RTCB: variants seen among roughly 807,000 people sequenced by gnomAD.
RTCB encodes RNA 2',3'-cyclic phosphate and 5'-OH ligase, also known as RNA-splicing ligase RTCB.
RTCB carries 32 observed loss-of-function variants against 58.2 expected under a neutral mutation model. That is an observed-to-expected ratio of 0.55 (90% CI 0.41 to 0.74). The LOEUF is 0.74. RTCB is among the 30% of genes least tolerant of loss of function. RTCB has a pLI of 0.00. For missense variants in RTCB, 523 were observed against 639.0 expected (o/e 0.82, Z 1.96); for synonymous variants, 247 against 218.6 (o/e 1.13, Z -1.15).
chr22:32,394,115 T>C, intron 9 of RTCB, 113 bp from the exon 10 acceptor site: 1 of 131,110 alleles, frequency 7.6e-6, no homozygotes, highest in East Asian at 1.5e-4. Context: ...CCCAGACTTC[T>C]TTTTTTTTTT....
chr22:32,394,236 C>T (rs957090289), intron 9 of RTCB, among the ~76,000 whole-genome samples: 1 of 151,920 alleles, frequency 6.6e-6, no homozygotes, highest in Non-Finnish European at 1.5e-5. Flanking sequence ...CTCAGCCTCC[C>T]GAGTTGCTGG....
intron 8 of RTCB, 96 bp from the exon 9 acceptor site, chr22:32,395,310 G>T (rs1933227527): frequency 2.9e-6 from 3 of 1,031,712 alleles, no homozygotes; most frequent in Admixed American, 5.1e-5. Context: ...AGTCTGTTCT[G>T]AAGGGAGTAA....
intron 9 of RTCB, 143 bp downstream of exon 9, chr22:32,394,883 A>C: frequency 1.4e-6 from 1 of 716,770 alleles, no homozygotes; most frequent in Non-Finnish European, 2.3e-6. Flanking sequence ...ACTGCTTCAG[A>C]GAAGATTGGG....
intron 1 of RTCB, 131 bp downstream of exon 1, chr22:32,411,933 A>C (rs918675026): frequency 4.6e-6 from 3 of 656,800 alleles, no homozygotes; most frequent in Non-Finnish European, 7.6e-6. Flanking sequence ...GGGGAGAAGG[A>C]CGGGATGAGG....
chr22:32,387,915 G>C lies in RTCB; in HGVS notation c.*77C>G. ...TTGCAACTTGTCCCGCCTTGAGTCT[G>C]ATGTCAGAAGAGCATGTCAGTCCAC... On this transcript the variant is annotated 3_prime_UTR_variant, in exon 12 of 12. Transcript: ENST00000216038. The C allele has an allele frequency of 1.0e-6, 1 of 964,314 alleles. No individual in the cohort carries two copies. The highest frequency in any genetic ancestry group is 1.7e-6 in the Non-Finnish European group (1 of 600,022). 59.7% of individuals were successfully genotyped at this position (964,314 alleles called of 1,614,324 possible).
At chr22:32,399,909 G>A in intron 5 of RTCB, 150 bp from the exon 6 acceptor site, 1 of 618,706 alleles carries the variant, frequency 1.6e-6, no homozygotes, top group Non-Finnish European at 2.6e-6. Flanking sequence ...TAAGCTCTCA[G>A]TAACTGGTTT....
At position 32,393,921 on chromosome 22, in the gene RTCB, C is replaced by G. The variant is rs1350204203; in HGVS notation, c.1261G>C (p.Glu421Gln). The G allele has an allele frequency of 1.2e-6, 2 of 1,613,930 alleles. No individual in the cohort carries two copies. Among genetic ancestry groups the G allele is most frequent in the South Asian group, 2.2e-5 (2 of 91,074 alleles). The part of the protein sequence containing the change: ...VLTGTEQGMT[E>Q]TFGTTCHGAG... ...CCATGACAGGTTGTTCCAAAGGTCT[C>G]AGTCATGCCCTGTTCAGTGCCAGTA... Residue 421 changes from glutamate to glutamine, a missense_variant, in exon 10 of 12, where the codon GAG (glutamate) becomes CAG (glutamine). Glu to Gln is a conservative substitution (Grantham distance 29). Coordinates refer to ENST00000216038, the MANE Select transcript of RTCB (RefSeq NM_014306.5).
chr22:32,394,844 C>A (rs142752331), intron 9 of RTCB, among the ~76,000 whole-genome samples, 182 bp downstream of exon 9: 1 of 152,130 alleles, frequency 6.6e-6, no homozygotes, highest in South Asian at 2.1e-4. Flanking sequence ...ACGGCACCAC[C>A]GCAAGCACAA....
intron 10 of RTCB, 162 bp from the exon 11 acceptor site, chr22:32,392,521 C>T: frequency 1.1e-6 from 1 of 940,866 alleles, no homozygotes; most frequent in Non-Finnish European, 1.7e-6. Context: ...AGATTTTGGA[C>T]CGGAGAATTC....
intron 3 of RTCB, chr22:32,407,423 T>C (rs1291994195): frequency 6.5e-6 from 1 of 152,726 alleles, no homozygotes; most frequent in Non-Finnish European, 1.5e-5. Flanking sequence ...AGAATATGAA[T>C]GTTAAACTGT....
Position 32,401,887 on chromosome 22 carries a change from G to A in RTCB, c.357C>T (p.Asp119=), listed in dbSNP as rs746763996. Residue 119 remains aspartate (D), a synonymous_variant, in exon 5 of 12, where the codon GAC becomes GAT. Coordinates refer to ENST00000216038, the MANE Select transcript of RTCB (RefSeq NM_014306.5). The part of the protein sequence containing the change: ...AVVSPGGVGF[D]INCGVRLLRT... ...TTAGCAAGCGGACACCACAGTTGATGTCAAACCCGACACCACCTACAAAAT... is the reference window on the plus strand; with the variant it reads ...TTAGCAAGCGGACACCACAGTTGATATCAAACCCGACACCACCTACAAAAT... 6.2e-7 allele frequency: 1 copy of A among 1,614,016 alleles called. No individual in the cohort carries two copies. Among genetic ancestry groups the A allele is most frequent in the Non-Finnish European group, 8.5e-7 (1 of 1,179,918 alleles).
chr22:32,411,518 G>C (rs546218094), intron 1 of RTCB, among the ~76,000 whole-genome samples: 15 of 152,324 alleles, frequency 9.8e-5, no homozygotes, highest in African/African-American at 3.4e-4. Flanking sequence ...CTTCTGTGAA[G>C]TGAATATTAA....
At chr22:32,412,025 G>A (rs115236369) in intron 1 of RTCB, 39 bp downstream of exon 1, 1 of 1,529,224 alleles carries the variant, frequency 6.5e-7, no homozygotes. Flanking sequence ...GGCCGGGGAC[G>A]GAGCACGGAA....
At chr22:32,396,349 A>G in intron 7 of RTCB, 100 bp from the exon 8 acceptor site, 1 of 1,246,394 alleles carries the variant, frequency 8.0e-7, no homozygotes, top group South Asian at 1.4e-5. Flanking sequence ...TTCATTCCAC[A>G]AAAAAACCCA....
rs774323748 is a variant in RTCB, at chr22:32,393,880, T to G, written c.1290+12A>C. 6.4e-7 allele frequency: 1 copy of G among 1,572,888 alleles called. No homozygotes were observed. Among genetic ancestry groups the G allele is most frequent in the Admixed American group, 1.7e-5 (1 of 59,872 alleles). On this transcript the variant is annotated intron_variant, in intron 10 of 11. Coordinates refer to ENST00000216038, the MANE Select transcript of RTCB (RefSeq NM_014306.5). ...AAGAGAGCATTTCTAAGGAAGTTTCTGTTTTCCTTACCGCTCCATGACAGG... is the reference window on the plus strand; with the variant it reads ...AAGAGAGCATTTCTAAGGAAGTTTCGGTTTTCCTTACCGCTCCATGACAGG...
At chr22:32,408,604 A>G in intron 2 of RTCB, 151 bp downstream of exon 2, 1 of 647,504 alleles carries the variant, frequency 1.5e-6, no homozygotes, top group Non-Finnish European at 2.7e-6. Flanking sequence ...TGACAATGTG[A>G]TCACAAATAA....
chr22:32,411,894 G>T (rs750485528), intron 1 of RTCB, among the ~76,000 whole-genome samples, 170 bp downstream of exon 1: 11 of 152,182 alleles, frequency 7.2e-5, no homozygotes, highest in Non-Finnish European at 1.3e-4. Flanking sequence ...GGTGGTGCCG[G>T]AACAGGTTGG....
chr22:32,390,465 TTG>T (rs1445880355), intron 11 of RTCB, among the ~76,000 whole-genome samples: 5 of 152,180 alleles, frequency 3.3e-5, no homozygotes, highest in African/African-American at 1.2e-4. Context: ...TTTTTTTTTT[TTG>T]AGATGGAGTG....
chr22:32,398,078 T>A lies in RTCB; in HGVS notation c.677A>T (p.Asn226Ile), dbSNP rs1259009928. Residue 226 changes from asparagine to isoleucine, a missense_variant, in exon 7 of 12, where the codon AAC (asparagine) becomes ATC (isoleucine). By Grantham distance (149) the Asn-to-Ile change is moderately radical (BLOSUM62 -3). Coordinates refer to ENST00000216038, the MANE Select transcript of RTCB (RefSeq NM_014306.5). ...LPQLGTLGAG[N>I]HYAEIQVVDE... The stretch of plus-strand genomic sequence containing the variant: ...CACAACCTGGATTTCTGCATAATGG[T>A]TGCCTGCTCCCAGGGTCCCCAACTG... 1 of 1,613,886 alleles carries A rather than the reference T, an allele frequency of 6.2e-7. No individual in the cohort carries two copies. The highest frequency in any genetic ancestry group is 8.5e-7 in the Non-Finnish European group (1 of 1,179,966).
Sources: allele counts gnomAD v4.1 joint callset (sites outside exome capture counted in the v4.1 genomes callset), GRCh38; gene constraint gnomAD v4.1.1; transcripts MANE v1.5; gene names NCBI Gene and HGNC (gene_info 2026-07-23, HGNC 2026-07-21).